Variants in CDH18 observed in about 807,000 individuals in gnomAD.
CDH18 encodes the protein cadherin-18.
In CDH18, 31 loss-of-function variants were observed where a neutral mutation model predicts 67.9. That is an observed-to-expected ratio of 0.46 (90% CI 0.34 to 0.62). The LOEUF (loss-of-function observed/expected upper bound fraction) is 0.62. CDH18 is among the 20% of genes least tolerant of loss of function. CDH18 has a pLI of 0.01. For missense variants in CDH18, 890 were observed against 975.5 expected (o/e 0.91, Z 1.17); for synonymous variants, 362 against 347.2 (o/e 1.04, Z -0.48).
chr5:19,788,083 T>TGCC (rs1776002278), intron 3 of CDH18, among the ~76,000 whole-genome samples: 1 of 152,230 alleles, frequency 6.6e-6, no homozygotes, highest in African/African-American at 2.4e-5. Context: ...GAAAACCTGT[T>TGCC]GCATGTGTTT....
At chr5:20,403,876 T>C (rs567239501) in intron 1 of CDH18, among the ~76,000 whole-genome samples, 1 of 151,930 alleles carries the variant, frequency 6.6e-6, no homozygotes, top group South Asian at 2.1e-4. Flanking sequence ...ATGAAAGTTT[T>C]AGATGGCATG....
intron 1 of CDH18, among the ~76,000 whole-genome samples, chr5:20,467,579 T>C (rs1193139646): frequency 6.6e-6 from 1 of 152,214 alleles, no homozygotes. Flanking sequence ...GAAGGCTTTA[T>C]AAATATTTAT....
chr5:20,338,112 A>C (rs868642283), intron 1 of CDH18, among the ~76,000 whole-genome samples: 40 of 152,330 alleles, frequency 2.6e-4, no homozygotes, highest in African/African-American at 9.1e-4. Context: ...CTCCAACAAT[A>C]GGTGGGATTT....
intron 1 of CDH18, among the ~76,000 whole-genome samples, chr5:20,327,216 C>T (rs1738682407): frequency 6.6e-6 from 1 of 152,162 alleles, no homozygotes; most frequent in South Asian, 2.1e-4. Flanking sequence ...GGAACTGAGT[C>T]ATACAAAAAC....
chr5:19,728,359 T>C (rs910747109), intron 4 of CDH18, among the ~76,000 whole-genome samples: 10 of 152,208 alleles, frequency 6.6e-5, no homozygotes, highest in African/African-American at 2.4e-4. Context: ...AAATATTTCC[T>C]ATGGAACACA....
chr5:19,937,518 G>T (rs181441976), intron 2 of CDH18, among the ~76,000 whole-genome samples: 28 of 151,468 alleles, frequency 1.8e-4, no homozygotes, highest in African/African-American at 6.5e-4. Flanking sequence ...AATTAGTTTT[G>T]ATTGCAAATA....
intron 3 of CDH18, among the ~76,000 whole-genome samples, chr5:19,755,150 T>A: frequency 6.9e-6 from 1 of 144,200 alleles, no homozygotes; most frequent in African/African-American, 2.6e-5. Flanking sequence ...AGAAAGGAAA[T>A]AACCAAGATC....
intron 5 of CDH18, among the ~76,000 whole-genome samples, chr5:19,624,482 G>A (rs562751507): frequency 6.6e-6 from 1 of 152,266 alleles, no homozygotes; most frequent in South Asian, 2.1e-4. Flanking sequence ...ACATATATCT[G>A]ATTCCTAAAA....
rs1202396683 is a variant in CDH18 at position 19,705,612 on chromosome 5, CT to C, written c.643+15734del. ...ATTTTTTCAACTCAGCATTCACCTACTGGTGTTATTGTTCAAGAGCAGGATC... is the reference window on the plus strand; with the variant it reads ...ATTTTTTCAACTCAGCATTCACCTACGGTGTTATTGTTCAAGAGCAGGATC... On this transcript the variant is annotated intron_variant, in intron 5 of 12. Coordinates refer to ENST00000382275, the MANE Select transcript of CDH18 (RefSeq NM_004934.5). Among the ~76,000 whole-genome samples, 7 of 152,266 alleles carry C rather than the reference CT, an allele frequency of 4.6e-5. No homozygotes were observed. In the East Asian group the frequency reaches 1.4e-3, roughly 30 times the overall value.
intron 1 of CDH18, among the ~76,000 whole-genome samples, chr5:20,564,135 G>A (rs1204352988): frequency 6.6e-6 from 1 of 151,804 alleles, no homozygotes; most frequent in Admixed American, 6.6e-5. Flanking sequence ...TCTCTCCAGG[G>A]CCCATACTTC....
intron 5 of CDH18, among the ~76,000 whole-genome samples, chr5:19,698,411 A>G (rs1762806569): frequency 6.6e-6 from 1 of 152,136 alleles, no homozygotes; most frequent in African/African-American, 2.4e-5. Context: ...GAATCCAAGC[A>G]TCAGGAGAGA....
chr5:19,753,133 C>G (rs1213427264), intron 3 of CDH18, among the ~76,000 whole-genome samples: 1 of 152,086 alleles, frequency 6.6e-6, no homozygotes, highest in Non-Finnish European at 1.5e-5. Context: ...TTTAACACCC[C>G]CAAAAATCCT....
chr5:19,871,386 C>G (rs887175865), intron 2 of CDH18, among the ~76,000 whole-genome samples: 5 of 135,432 alleles, frequency 3.7e-5, no homozygotes, highest in African/African-American at 1.0e-4. Context: ...ATAAACTTAT[C>G]ACATCTTTTT....
chr5:20,247,188 T>A (rs1743446333), intron 2 of CDH18, among the ~76,000 whole-genome samples: 1 of 152,162 alleles, frequency 6.6e-6, no homozygotes, highest in African/African-American at 2.4e-5. Flanking sequence ...CTACCCCTCA[T>A]CAGATCTCAG....
At chr5:19,951,237 G>C (rs1304741620) in intron 2 of CDH18, among the ~76,000 whole-genome samples, 1 of 152,172 alleles carries the variant, frequency 6.6e-6, no homozygotes, top group East Asian at 1.9e-4. Flanking sequence ...TCTGGGTAAG[G>C]CACTTAAATT....
At chr5:20,340,857 T>C (rs923234787) in intron 1 of CDH18, among the ~76,000 whole-genome samples, 1 of 152,190 alleles carries the variant, frequency 6.6e-6, no homozygotes, top group African/African-American at 2.4e-5. Context: ...AAGTTGGAGC[T>C]GGGTAGAACT....
chr5:19,853,398 A>G (rs1390887958), intron 2 of CDH18, among the ~76,000 whole-genome samples: 7 of 152,148 alleles, frequency 4.6e-5, no homozygotes, highest in Admixed American at 4.6e-4. Context: ...TTCCAAGTAC[A>G]GCCACCCTGG....
At chr5:20,288,556 G>T (rs1247017963) in intron 1 of CDH18, among the ~76,000 whole-genome samples, 1 of 151,636 alleles carries the variant, frequency 6.6e-6, no homozygotes, top group African/African-American at 2.4e-5. Flanking sequence ...TTCTGGTACA[G>T]AAGTTGGTAA....
At chr5:20,025,703 C>T (rs1479932679) in intron 2 of CDH18, among the ~76,000 whole-genome samples, 2 of 152,192 alleles carry the variant, frequency 1.3e-5, no homozygotes, top group South Asian at 2.1e-4. Flanking sequence ...TTTTTAAATA[C>T]TATAATTTTC....
Sources: gnomAD v4.1 joint callset for allele counts (sites outside exome capture counted in the v4.1 genomes callset) on GRCh38, gnomAD v4.1.1 for gene constraint, MANE v1.5 for transcripts, NCBI Gene and HGNC (gene_info 2026-07-23, HGNC 2026-07-21) for gene names.